Variants in DLC1 observed in about 807,000 individuals in gnomAD.
DLC1 encodes the protein DLC1 Rho GTPase activating protein.
Under a neutral mutation model 140.3 loss-of-function variants are expected in DLC1, and 54 were observed. That is an observed-to-expected ratio of 0.38 (90% CI 0.31 to 0.48). The LOEUF is 0.48. Ranked by LOEUF, DLC1 falls within the 20% of genes least tolerant of loss-of-function variation. The pLI is 0.96. For synonymous variants in DLC1, 986 were observed against 728.1 expected (o/e 1.35, Z -5.70); for missense variants, 2,536 against 1,907.0 (o/e 1.33, Z -6.14).
intron 1 of DLC1, among the ~76,000 whole-genome samples, chr8:13,551,059 C>CAA (rs1384099905): frequency 4.2e-5 from 1 of 23,864 alleles, no homozygotes; most frequent in Non-Finnish European, 1.6e-4. Flanking sequence ...CACACACACA[C>CAA]ACACACACAC....
chr8:13,365,711 G>T (rs1281870337), intron 4 of DLC1, among the ~76,000 whole-genome samples: 1 of 152,086 alleles, frequency 6.6e-6, no homozygotes, highest in Non-Finnish European at 1.5e-5. Flanking sequence ...GCACATAACT[G>T]CCTGCAGTGG....
intron 5 of DLC1, among the ~76,000 whole-genome samples, chr8:13,202,055 C>G (rs931969442): frequency 1.3e-5 from 2 of 151,088 alleles, no homozygotes; most frequent in African/African-American, 4.9e-5. Context: ...AAGTGATTCT[C>G]CTGCCTCAGC....
intron 1 of DLC1, among the ~76,000 whole-genome samples, chr8:13,583,581 A>G (rs1451363782): frequency 6.6e-6 from 1 of 152,246 alleles, no homozygotes; most frequent in Non-Finnish European, 1.5e-5. Context: ...AAAAAAATGC[A>G]ATATAAGTTA....
chr8:13,329,682 A>G (rs1019308238), intron 4 of DLC1, among the ~76,000 whole-genome samples: 1 of 152,194 alleles, frequency 6.6e-6, no homozygotes, highest in Non-Finnish European at 1.5e-5. Flanking sequence ...TTTTTCTGAT[A>G]TACATTATGA....
intron 5 of DLC1, chr8:13,276,786 G>A: frequency 5.6e-6 from 1 of 178,270 alleles, no homozygotes; most frequent in Non-Finnish European, 1.1e-5. Context: ...GGGAAACGCA[G>A]CGCCGCAGGC....
chr8:13,286,638 C>T (rs760361925), intron 5 of DLC1, among the ~76,000 whole-genome samples: 13 of 150,094 alleles, frequency 8.7e-5, no homozygotes, highest in Admixed American at 1.3e-4. Context: ...AGGCATTTTG[C>T]TAATATTAGC....
intron 4 of DLC1, among the ~76,000 whole-genome samples, chr8:13,320,807 G>C (rs1420859925): frequency 6.6e-6 from 1 of 152,156 alleles, no homozygotes; most frequent in Non-Finnish European, 1.5e-5. Context: ...TTGAGGCCAA[G>C]AGTTCTAGAC....
chr8:13,182,115 G>T (rs544006677), intron 5 of DLC1, among the ~76,000 whole-genome samples: 98 of 152,160 alleles, frequency 6.4e-4, no homozygotes, highest in African/African-American at 1.9e-3. Context: ...TCATGTGTCT[G>T]TTGGCTGCAT....
Position 13,094,796 on chromosome 8 carries a change from C to T in DLC1, c.3489G>A (p.Thr1163=), listed in dbSNP as rs35279447. Residue 1163 remains threonine, a synonymous_variant, in exon 12 of 18, where the codon ACG becomes ACA. Transcript: ENST00000276297. The part of the protein sequence containing the change: ...YFRDLPEPLM[T]NKLSETFLQI... Reference sequence around the variant, plus strand: ...GTAGAAAGGTTTCCGAGAGTTTGTTCGTCATTAGTGGCTCAGGAAGATCTC... The same window carrying T: ...GTAGAAAGGTTTCCGAGAGTTTGTTTGTCATTAGTGGCTCAGGAAGATCTC... 2.7e-4 allele frequency: 429 copies of T among 1,614,180 alleles called. No homozygotes were observed. The African/African-American group carries it at 4.7e-3, about 18-fold the overall frequency.
chr8:13,599,001 C>T (rs1805775179), intron 1 of DLC1, among the ~76,000 whole-genome samples: 1 of 151,752 alleles, frequency 6.6e-6, no homozygotes, highest in Admixed American at 6.6e-5. Context: ...TTAATTGTTT[C>T]TGTAACTTAA....
chr8:13,237,754 T>C (rs17116700), intron 5 of DLC1, among the ~76,000 whole-genome samples: 6,949 of 152,260 alleles, frequency 0.046, 345 homozygotes, highest in African/African-American at 0.12. Context: ...GTTCAGGTTT[T>C]CTAGTATGCT....
At chr8:13,281,502 C>A (rs1441258587) in intron 5 of DLC1, among the ~76,000 whole-genome samples, 2 of 152,082 alleles carry the variant, frequency 1.3e-5, no homozygotes, top group African/African-American at 2.4e-5. Flanking sequence ...TAAATATTTC[C>A]ATTTTTGTAT....
In DLC1 at chr8:13,557,115, A is replaced by T. The variant is rs560359783; in HGVS notation, c.-126+47422T>A. On this transcript the variant is annotated intron_variant, in intron 1 of 1. Transcript: ENST00000631382. Reference sequence around the variant, plus strand: ...GCTGGGGAACTCTGAATGTTATTCTATTTCTAGGGAATTTCAGTGGCTTAA... The same window carrying T: ...GCTGGGGAACTCTGAATGTTATTCTTTTTCTAGGGAATTTCAGTGGCTTAA... Among the ~76,000 whole-genome samples the T allele has an allele frequency of 2.6e-5, 4 of 152,234 alleles. No homozygotes were observed. In the South Asian group the frequency reaches 6.2e-4, roughly 24 times the overall value.
intron 2 of DLC1, among the ~76,000 whole-genome samples, chr8:13,418,042 C>T (rs1216947632): frequency 5.3e-5 from 8 of 152,250 alleles, no homozygotes; most frequent in Admixed American, 6.5e-5. Context: ...ATATCGTTTG[C>T]CTACTTTTTG....
intron 1 of DLC1, among the ~76,000 whole-genome samples, chr8:13,555,595 G>A (rs370257695): frequency 1.1e-4 from 16 of 152,020 alleles, no homozygotes; most frequent in African/African-American, 2.4e-4. Context: ...GGGTACAAGC[G>A]ATTCTCCTGC....
chr8:13,567,642 A>G, intron 1 of DLC1: 1 of 1,551,696 alleles, frequency 6.4e-7, no homozygotes, highest in Non-Finnish European at 8.7e-7. Context: ...TTCTGAAACA[A>G]AAGAAGACTT....
At chr8:13,190,490 C>G (rs1401156693) in intron 5 of DLC1, among the ~76,000 whole-genome samples, 1 of 152,124 alleles carries the variant, frequency 6.6e-6, no homozygotes, top group Admixed American at 6.6e-5. Context: ...TTACATTCCC[C>G]TTATAGGGTT....
intron 5 of DLC1, among the ~76,000 whole-genome samples, chr8:13,233,572 G>A (rs1021287491): frequency 1.3e-5 from 2 of 152,006 alleles, no homozygotes; most frequent in Admixed American, 6.6e-5. Flanking sequence ...TTCTACAAAA[G>A]AGAATCTGCA....
intron 5 of DLC1, among the ~76,000 whole-genome samples, chr8:13,296,565 G>A (rs1240807746): frequency 2.0e-5 from 3 of 152,144 alleles, no homozygotes; most frequent in African/African-American, 7.2e-5. Context: ...AAAAGTCCTG[G>A]ACATGGATAG....
Sources: gnomAD v4.1 joint callset for allele counts (sites outside exome capture counted in the v4.1 genomes callset) on GRCh38, gnomAD v4.1.1 for gene constraint, MANE v1.5 for transcripts, NCBI Gene and HGNC (gene_info 2026-07-23, HGNC 2026-07-21) for gene names.